The following RB1CC1 variants were observed in gnomAD, a reference collection of about 807,000 sequenced individuals.
RB1CC1 encodes the protein RB1-inducible coiled-coil protein 1.
A neutral mutation model predicts 177.5 loss-of-function variants in RB1CC1; 46 were observed. The observed-to-expected ratio is 0.26, with a 90% CI of 0.20 to 0.33. RB1CC1 has a LOEUF of 0.33. RB1CC1 is among the 10% of genes least tolerant of loss of function. The probability of loss-of-function intolerance (pLI) is 1.00; values close to 1 mark genes in which losing one functional copy is unlikely to be tolerated. For missense variants in RB1CC1, 1,703 were observed against 1,816.3 expected (o/e 0.94, Z 1.13); for synonymous variants, 666 against 613.6 (o/e 1.09, Z -1.26).
At chr8:52,633,951 C>CCAAAA (rs572026080) in intron 20 of RB1CC1, among the ~76,000 whole-genome samples, 21 of 152,142 alleles carry the variant, frequency 1.4e-4, no homozygotes, top group African/African-American at 4.8e-4. Flanking sequence ...AAACCTAAAA[C>CCAAAA]CAAAACAAAA....
chr8:52,656,617 G>C lies in RB1CC1; in HGVS notation c.3212C>G (p.Thr1071Ser), dbSNP rs531353355. The C allele has an allele frequency of 1.9e-6, 3 of 1,613,558 alleles. No homozygotes were observed. In the African/African-American group the frequency reaches 4.0e-5, roughly 22 times the overall value. Reference protein sequence around the residue: ...EVELALKEAETDEIKILLEES... With the variant: ...EVELALKEAESDEIKILLEES... ...TTCCAGCAAAATTTTTATTTCATCAGTTTCTGCTTCCTTCAACGCAAGTTC... is the reference window on the plus strand; with the variant it reads ...TTCCAGCAAAATTTTTATTTCATCACTTTCTGCTTCCTTCAACGCAAGTTC... Residue 1071 changes from threonine (T) to serine (S), a missense_variant, in exon 15 of 24, where the codon ACT becomes AGT. Around this residue, in one of 6 missense-constraint regions of RB1CC1, gnomAD observed 1,169 missense variants for 1,184.7 expected, o/e 0.99. Transcript: ENST00000025008.
intron 1 of RB1CC1, among the ~76,000 whole-genome samples, chr8:52,704,178 T>G (rs1264789319): frequency 1.3e-5 from 2 of 152,180 alleles, no homozygotes; most frequent in East Asian, 3.8e-4. Context: ...TCAGGAGTTA[T>G]CCAATTTCTC....
At chr8:52,640,467 CATAA>C (rs1849477488) in intron 18 of RB1CC1, among the ~76,000 whole-genome samples, 1 of 152,132 alleles carries the variant, frequency 6.6e-6, no homozygotes, top group South Asian at 2.1e-4. Flanking sequence ...CACTGTAAAC[CATAA>C]ATATGTATAA....
chr8:52,671,161 G>T (rs149096375), intron 7 of RB1CC1, among the ~76,000 whole-genome samples: 8 of 152,264 alleles, frequency 5.3e-5, no homozygotes, highest in Non-Finnish European at 1.0e-4. Context: ...GATAGTAAAT[G>T]AATCTCAATG....
At chr8:52,653,579 T>C (rs549368715) in intron 15 of RB1CC1, among the ~76,000 whole-genome samples, 1 of 152,216 alleles carries the variant, frequency 6.6e-6, no homozygotes, top group African/African-American at 2.4e-5. Context: ...CTGAGAAGAC[T>C]GAAGTGACTG....
At chr8:52,635,979 AT>A in intron 19 of RB1CC1, 35 bp downstream of exon 19, 1 of 1,600,660 alleles carries the variant, frequency 6.2e-7, no homozygotes, top group South Asian at 1.1e-5. Flanking sequence ...AAGTGAACAT[AT>A]TAAACATGGT....
At chr8:52,692,309 C>T (rs1326274426) in intron 1 of RB1CC1, among the ~76,000 whole-genome samples, 1 of 151,950 alleles carries the variant, frequency 6.6e-6, no homozygotes, top group Admixed American at 6.6e-5. Context: ...TCCATGATAC[C>T]TACTTTCAGG....
intron 1 of RB1CC1, among the ~76,000 whole-genome samples, chr8:52,692,734 C>T (rs1455746287): frequency 1.3e-5 from 2 of 152,080 alleles, no homozygotes; most frequent in African/African-American, 4.8e-5. Context: ...AATAGCAACA[C>T]TTTTTTCCCC....
chr8:52,667,632 T>C (rs1852180530), intron 8 of RB1CC1, among the ~76,000 whole-genome samples: 1 of 152,208 alleles, frequency 6.6e-6, no homozygotes, highest in Non-Finnish European at 1.5e-5. Context: ...AAAACCTAGG[T>C]ATTACTATTA....
intron 15 of RB1CC1, among the ~76,000 whole-genome samples, chr8:52,651,047 T>G (rs532952031): frequency 6.6e-6 from 1 of 152,100 alleles, no homozygotes; most frequent in Non-Finnish European, 1.5e-5. Context: ...AAAGAAGGAA[T>G]TGCAAAGCAA....
At chr8:52,660,774 C>T in intron 11 of RB1CC1, 117 bp from the exon 12 acceptor site, 1 of 1,106,704 alleles carries the variant, frequency 9.0e-7, no homozygotes, top group East Asian at 2.6e-5. Flanking sequence ...TAAAATTTAA[C>T]AATGGATTCA....
chr8:52,668,061 C>T lies in RB1CC1; in HGVS notation c.1133G>A (p.Ser378Asn), dbSNP rs757165423. The T allele has an allele frequency of 1.9e-6, 3 of 1,614,088 alleles. No homozygotes were observed. Among genetic ancestry groups the T allele is most frequent in the South Asian group, 1.1e-5 (1 of 91,076 alleles). The change falls in exon 8 of 24, where the codon AGC (serine) becomes AAC (asparagine). Residue 378 changes from serine (S) to asparagine (N), a missense_variant. Transcript: ENST00000025008. ...CTGTTCATTCACCAGTCGGCCACAG[C>T]TAGCAATCATCTGGTCCAGGGCGTA... is the stretch of plus-strand genomic sequence containing the variant. ...RLYALDQMIA[S>N]CGRLVNEQKE...
At chr8:52,644,443 C>T (rs1043174557) in intron 16 of RB1CC1, among the ~76,000 whole-genome samples, 3 of 152,112 alleles carry the variant, frequency 2.0e-5, no homozygotes, top group Non-Finnish European at 4.4e-5. Context: ...TAAGAGAACA[C>T]ACAAAGAGAC....
intron 15 of RB1CC1, among the ~76,000 whole-genome samples, chr8:52,650,179 A>C (rs1850442024): frequency 6.6e-6 from 1 of 152,226 alleles, no homozygotes; most frequent in Non-Finnish European, 1.5e-5. Flanking sequence ...GTGTGTCCTC[A>C]CATAAGCATC....
chr8:52,652,251 G>T (rs912133552), intron 15 of RB1CC1, among the ~76,000 whole-genome samples: 3 of 152,062 alleles, frequency 2.0e-5, no homozygotes, highest in Non-Finnish European at 4.4e-5. Flanking sequence ...CAGATCACAA[G>T]GTCAGGAGAT....
intron 6 of RB1CC1, among the ~76,000 whole-genome samples, chr8:52,674,953 G>C (rs79089638): frequency 6.6e-6 from 1 of 152,036 alleles, no homozygotes; most frequent in African/African-American, 2.4e-5. Context: ...TCAAAGCACA[G>C]GATAAAAATA....
At chr8:52,632,676 T>C (rs1848852912) in intron 20 of RB1CC1, among the ~76,000 whole-genome samples, 1 of 152,178 alleles carries the variant, frequency 6.6e-6, no homozygotes, top group South Asian at 2.1e-4. Flanking sequence ...AGACAATTTA[T>C]TCTGTGAAAA....
Position 52,674,090 on chromosome 8 carries a change from A to G in RB1CC1, c.757T>C (p.Ser253Pro), listed in dbSNP as rs1374443792. 1 of 1,614,124 alleles carries G rather than the reference A, an allele frequency of 6.2e-7. No individual in the cohort carries two copies. Among genetic ancestry groups the G allele is most frequent in the Non-Finnish European group, 8.5e-7 (1 of 1,179,998 alleles). The change falls in exon 7 of 24, where the codon TCT (serine) becomes CCT (proline). Residue 253 changes from serine to proline, a missense_variant. Ser to Pro is a moderately conservative substitution (Grantham distance 74). Coordinates refer to ENST00000025008, the MANE Select transcript of RB1CC1 (RefSeq NM_014781.5). ...SPDMPRTTNE[S>P]LLTSFPKSVE... is the part of the protein sequence containing the mutation. ...GACTTGGGAAATGAGGTTAACAAAGATTCGTTAGTTGTTCTAGGCATATCA... is the reference window on the plus strand; with the variant it reads ...GACTTGGGAAATGAGGTTAACAAAGGTTCGTTAGTTGTTCTAGGCATATCA...
intron 1 of RB1CC1, among the ~76,000 whole-genome samples, chr8:52,706,943 T>C (rs190926564): frequency 6.6e-6 from 1 of 152,174 alleles, no homozygotes; most frequent in Non-Finnish European, 1.5e-5. Flanking sequence ...AATACAGGCA[T>C]GAGTCACCAC....
Sources: allele counts gnomAD v4.1 joint callset (sites outside exome capture counted in the v4.1 genomes callset), GRCh38; gene constraint gnomAD v4.1.1; regional missense constraint gnomAD v4.1.1; transcripts MANE v1.5; gene names NCBI Gene and HGNC (gene_info 2026-07-23, HGNC 2026-07-21).